Variants in NRXN1 observed in about 807,000 individuals in gnomAD.
NRXN1 encodes the protein neurexin 1.
In NRXN1, 39 loss-of-function variants were observed where a neutral mutation model predicts 150.9. The observed-to-expected ratio is 0.26, with a 90% CI of 0.20 to 0.34. The LOEUF (loss-of-function observed/expected upper bound fraction) is 0.34, where lower values mean the gene tolerates loss of function less well. Among genes scored for constraint, NRXN1 ranks in the 10% least tolerant of loss-of-function variants. The probability of loss-of-function intolerance (pLI) is 1.00; values close to 1 mark genes in which losing one functional copy is unlikely to be tolerated. For synonymous variants in NRXN1, 924 were observed against 757.0 expected (o/e 1.22, Z -3.62); for missense variants, 1,815 against 1,949.9 (o/e 0.93, Z 1.30).
chr2:49,932,711 T>G (rs1192185634), intron 22 of NRXN1, among the ~76,000 whole-genome samples: 1 of 152,228 alleles, frequency 6.6e-6, no homozygotes. Context: ...ATGACTTCCC[T>G]GTAACATCTA....
intron 5 of NRXN1, among the ~76,000 whole-genome samples, chr2:50,864,187 G>T (rs1174517937): frequency 6.6e-6 from 1 of 151,974 alleles, no homozygotes; most frequent in Non-Finnish European, 1.5e-5. Flanking sequence ...ATTCATGCAT[G>T]CATTCATCCA....
intron 21 of NRXN1, among the ~76,000 whole-genome samples, chr2:49,968,985 C>T (rs1379547766): frequency 6.6e-6 from 1 of 152,030 alleles, no homozygotes; most frequent in Non-Finnish European, 1.5e-5. Context: ...TCTTAACTAA[C>T]AATGTACAAA....
intron 5 of NRXN1, among the ~76,000 whole-genome samples, chr2:50,698,735 A>G (rs1224786107): frequency 1.3e-5 from 2 of 152,184 alleles, no homozygotes; most frequent in Non-Finnish European, 2.9e-5. Context: ...ATTATTCCCT[A>G]GAAAACATCC....
intron 18 of NRXN1, among the ~76,000 whole-genome samples, chr2:50,092,215 A>G (rs1317756576): frequency 2.0e-5 from 3 of 152,314 alleles, no homozygotes; most frequent in South Asian, 2.1e-4. Flanking sequence ...CGCCCTCTTC[A>G]CTTCTTCATA....
At chr2:50,911,697 T>C (rs908047340) in intron 5 of NRXN1, among the ~76,000 whole-genome samples, 19 of 151,902 alleles carry the variant, frequency 1.3e-4, no homozygotes, top group Admixed American at 6.6e-5. Context: ...CCTTTTTCCA[T>C]TGTACATTAT....
At chr2:50,664,207 AAACAGAATGCGT>A (rs2104667275) in intron 5 of NRXN1, among the ~76,000 whole-genome samples, 1 of 152,136 alleles carries the variant, frequency 6.6e-6, no homozygotes, top group African/African-American at 2.4e-5. Context: ...TGCATTTTCC[AAACAGAATGCGT>A]AACTTTCCTT....
chr2:50,250,249 G>T (rs866684940), intron 17 of NRXN1, among the ~76,000 whole-genome samples: 1 of 152,016 alleles, frequency 6.6e-6, no homozygotes, highest in Admixed American at 6.6e-5. Context: ...GCAAACTGGA[G>T]AATTTGCTTG....
chr2:51,008,404 C>G lies in NRXN1; in HGVS notation c.772+19098G>C, dbSNP rs371720659. Among the ~76,000 whole-genome samples, 11 of 151,908 alleles carry G rather than the reference C, an allele frequency of 7.2e-5. No homozygotes were observed. In the Middle Eastern group the frequency reaches 0.017, roughly 235 times the overall value. On this transcript the variant is annotated intron_variant, in intron 2 of 22. Transcript: ENST00000401669. ...TGTAGAGACAAATAAAGCTTGGGTT[C>G]AAATTTTCTCCTTGCTATTTAGATT...
intron 17 of NRXN1, among the ~76,000 whole-genome samples, chr2:50,257,864 A>G (rs904904367): frequency 1.3e-5 from 2 of 150,096 alleles, no homozygotes; most frequent in Non-Finnish European, 3.0e-5. Context: ...CAAAAAATTT[A>G]AATTTTTTAT....
chr2:50,598,982 G>C (rs1244137922), intron 8 of NRXN1, among the ~76,000 whole-genome samples: 1 of 151,858 alleles, frequency 6.6e-6, no homozygotes, highest in African/African-American at 2.4e-5. Context: ...ATGTTGGCCA[G>C]GCTGCTCTCG....
intron 17 of NRXN1, among the ~76,000 whole-genome samples, chr2:50,438,515 C>A (rs1034905442): frequency 1.3e-5 from 2 of 152,226 alleles, no homozygotes; most frequent in Non-Finnish European, 2.9e-5. Context: ...GCACAGATGT[C>A]ACTTTATTGT....
At chr2:50,805,122 A>G (rs1254937068) in intron 5 of NRXN1, among the ~76,000 whole-genome samples, 1 of 152,160 alleles carries the variant, frequency 6.6e-6, no homozygotes, top group Non-Finnish European at 1.5e-5. Context: ...AGTTGGTAAT[A>G]TATGTGTTAG....
intron 17 of NRXN1, among the ~76,000 whole-genome samples, chr2:50,242,734 T>A (rs567280078): frequency 9.9e-5 from 15 of 151,486 alleles, no homozygotes; most frequent in Non-Finnish European, 1.9e-4. Flanking sequence ...AAAAAGAAAA[T>A]ATGGACTATA....
Position 50,918,402 on chromosome 2 carries a change from T to C in NRXN1, c.832+3467A>G, listed in dbSNP as rs1574927611. The C allele has an allele frequency of 1.6e-5, 5 of 308,988 alleles. 1 individual carries two copies. The highest frequency in any genetic ancestry group is 1.3e-4 in the East Asian group (3 of 22,872). The allele number at this position is 308,988 out of a possible 1,614,324, so 19.1% of individuals were successfully genotyped here. A position where few individuals can be genotyped will look rare whatever the true frequency, so the allele number is the denominator to read the frequency against. On this transcript the variant is annotated intron_variant, in intron 5 of 22. Transcript: ENST00000401669. Reference sequence around the variant, plus strand: ...GACAAGCTTTCTGCCCTCATAGAGCTTACACTCTACTAGGAAAAGTTAGCA... The same window carrying C: ...GACAAGCTTTCTGCCCTCATAGAGCCTACACTCTACTAGGAAAAGTTAGCA...
In NRXN1 at chr2:50,611,366, G is replaced by T. The variant is rs147183275; in HGVS notation, c.1320+8656C>A. Among the ~76,000 whole-genome samples, 11 of 152,246 alleles carry T rather than the reference G, an allele frequency of 7.2e-5. No individual in the cohort carries two copies. In the East Asian group the frequency reaches 1.9e-3, roughly 27 times the overall value. On this transcript the variant is annotated intron_variant, in intron 8 of 22. Transcript: ENST00000401669. The stretch of plus-strand genomic sequence containing the variant: ...AGGCTATGGGGCATCTGCTGAAAAT[G>T]ATGGGAAATAAAAATCTGTGGGTCC...
In NRXN1 at chr2:50,786,700, G is replaced by A. The variant is rs1029281344; in HGVS notation, c.832+135169C>T. On this transcript the variant is annotated intron_variant, in intron 5 of 22. Transcript: ENST00000401669. Reference sequence around the variant, plus strand: ...TGACACAGAGAGAAACCGTGTGGCAGTTCCTCCCTTTTGTCTTCTACATTA... The same window carrying A: ...TGACACAGAGAGAAACCGTGTGGCAATTCCTCCCTTTTGTCTTCTACATTA... 1.1e-4 allele frequency among the ~76,000 whole-genome samples: 16 copies of A among 152,114 alleles called. 1 individual carries two copies. The highest frequency in any genetic ancestry group is 9.2e-4 in the Admixed American group (14 of 15,220).
intron 2 of NRXN1, among the ~76,000 whole-genome samples, chr2:50,941,158 C>T (rs1689381709): frequency 6.6e-6 from 1 of 152,056 alleles, no homozygotes; most frequent in South Asian, 2.1e-4. Context: ...TTTCCCTTCA[C>T]TTTCCACTAT....
intron 21 of NRXN1, among the ~76,000 whole-genome samples, chr2:49,945,887 C>G (rs1672809401): frequency 6.6e-6 from 1 of 151,908 alleles, no homozygotes; most frequent in East Asian, 1.9e-4. Flanking sequence ...ATTTATAATC[C>G]TTTGGGTATA....
chr2:50,376,536 G>T (rs550806531), intron 17 of NRXN1, among the ~76,000 whole-genome samples: 1 of 152,158 alleles, frequency 6.6e-6, no homozygotes, highest in South Asian at 2.1e-4. Context: ...ACTTGATATT[G>T]GAGTCAAAAC....
Sources: allele counts gnomAD v4.1 joint callset (sites outside exome capture counted in the v4.1 genomes callset), GRCh38; gene constraint gnomAD v4.1.1; transcripts MANE v1.5; gene names NCBI Gene and HGNC (gene_info 2026-07-23, HGNC 2026-07-21).